Variants in ABCB11 observed in about 807,000 individuals in gnomAD.
The protein encoded by ABCB11 is ATP binding cassette subfamily B member 11, also known as bile salt export pump.
Under a neutral mutation model 148.0 loss-of-function variants are expected in ABCB11, and 95 were observed. That is an observed-to-expected ratio of 0.64 (90% confidence interval 0.54 to 0.76). The LOEUF is 0.76. Among genes scored for constraint, ABCB11 ranks in the 30% least tolerant of loss-of-function variants. ABCB11 has a pLI of 0.00. For missense variants in ABCB11, 1,523 were observed against 1,617.8 expected (o/e 0.94, Z 1.01); for synonymous variants, 591 against 555.4 (o/e 1.06, Z -0.90).
intron 19 of ABCB11, among the ~76,000 whole-genome samples, chr2:168,953,751 G>T (rs1240212009): frequency 6.6e-6 from 1 of 151,542 alleles, no homozygotes; most frequent in Non-Finnish European, 1.5e-5. Context: ...ATCGGGAACT[G>T]CTTAGGGCAA....
intron 10 of ABCB11, among the ~76,000 whole-genome samples, chr2:168,984,523 C>T (rs1694248917): frequency 6.6e-6 from 1 of 152,082 alleles, no homozygotes; most frequent in African/African-American, 2.4e-5. Context: ...AGCACCTGTT[C>T]AGTTAAGGCT....
intron 23 of ABCB11, 46 bp downstream of exon 23, chr2:168,935,138 T>C (rs763875334): frequency 8.7e-6 from 14 of 1,608,342 alleles, no homozygotes; most frequent in African/African-American, 4.0e-5. Flanking sequence ...AGGCTATTCC[T>C]TCCTTGTGTG....
In ABCB11 at chr2:168,969,570, C is replaced by A. The variant is rs554532255; in HGVS notation, c.1810-19G>T. ...GCTGAATCTGTAAGAATGTACAGTG[C>A]ACCATTAAACAAAACTGTGAGACAG... On this transcript the variant is annotated intron_variant, in intron 15 of 27. Transcript: ENST00000650372. 1 of 1,597,980 alleles carries A rather than the reference C, an allele frequency of 6.3e-7. No homozygotes were observed. Among genetic ancestry groups the A allele is most frequent in the Admixed American group, 1.7e-5 (1 of 59,500 alleles).
intron 24 of ABCB11, among the ~76,000 whole-genome samples, chr2:168,931,903 C>T (rs1691582873): frequency 6.6e-6 from 1 of 152,152 alleles, no homozygotes; most frequent in African/African-American, 2.4e-5. Context: ...CCATATACAG[C>T]AGGAATTTAG....
Position 168,927,144 on chromosome 2 carries a change from C to CT in ABCB11, c.3618+11dup, listed in dbSNP as rs1438991181. On this transcript the variant is annotated intron_variant, in intron 26 of 27. Transcript: ENST00000650372. ...TGTCTCTCATAGGGAATGGCTCTGA[C>CT]TTCGTACTCACCTCTGGGAGTGACA... The CT allele has an allele frequency of 6.2e-7, 1 of 1,610,896 alleles. No individual in the cohort carries two copies. The highest frequency in any genetic ancestry group is 8.5e-7 in the Non-Finnish European group (1 of 1,177,264).
chr2:168,989,130 G>A (rs1248226058), intron 9 of ABCB11, among the ~76,000 whole-genome samples: 3 of 151,972 alleles, frequency 2.0e-5, no homozygotes, highest in Non-Finnish European at 4.4e-5. Flanking sequence ...TTAGTTTGAT[G>A]TAATCCCATC....
In ABCB11 at chr2:169,005,840, A is replaced by G. The variant is rs534232485; in HGVS notation, c.389+7432T>C. 9.2e-5 allele frequency among the ~76,000 whole-genome samples: 14 copies of G among 152,366 alleles called. 1 individual carries two copies. The South Asian group carries it at 2.9e-3, about 32-fold the overall frequency. On this transcript the variant is annotated intron_variant, in intron 5 of 27. Coordinates refer to ENST00000650372, the MANE Select transcript of ABCB11 (RefSeq NM_003742.4). ...AATATATATAATTTTTATGTGCCAA[A>G]TTAAAAAATATTTTTAAAGACATAG...
intron 17 of ABCB11, among the ~76,000 whole-genome samples, chr2:168,967,305 C>T (rs1693360982): frequency 6.6e-6 from 1 of 151,816 alleles, no homozygotes; most frequent in African/African-American, 2.4e-5. Context: ...TAAATTCAGT[C>T]AAACTAGCAT....
At chr2:168,957,593 T>C (rs1000963417) in intron 19 of ABCB11, among the ~76,000 whole-genome samples, 1 of 151,748 alleles carries the variant, frequency 6.6e-6, no homozygotes, top group Non-Finnish European at 1.5e-5. Context: ...GTACCTCTGC[T>C]GTTCAGCAAG....
At chr2:168,918,058 A>C (rs1690976307), downstream of ABCB11, among the ~76,000 whole-genome samples, 1 of 152,150 alleles carries the variant, frequency 6.6e-6, no homozygotes, top group South Asian at 2.1e-4. Flanking sequence ...TTATGTGACT[A>C]GAAAATTTAA....
Position 168,944,640 on chromosome 2 carries a change from T to C in ABCB11, c.2575A>G (p.Thr859Ala), listed in dbSNP as rs764575275. Residue 859 changes from threonine (T) to alanine (A), a missense_variant, in exon 21 of 28, where the codon ACA (threonine) becomes GCA (alanine). Coordinates refer to ENST00000650372, the MANE Select transcript of ABCB11 (RefSeq NM_003742.4). The stretch of plus-strand genomic sequence containing the variant: ...TGGGAAGCATCTGTAGCAAGTCTTG[T>C]TGTCAATGCTCCAGGGCTATTTCTG... ...DLRNSPGALT[T>A]RLATDASQVQ... 2.5e-6 allele frequency: 4 copies of C among 1,611,382 alleles called. No homozygotes were observed. Among genetic ancestry groups the C allele is most frequent in the East Asian group, 4.5e-5 (2 of 44,836 alleles).
At position 168,996,567 on chromosome 2, in the gene ABCB11, A is replaced by G. The variant is rs1324426476; in HGVS notation, c.477+68T>C. The G allele has an allele frequency of 3.3e-6, 3 of 909,822 alleles. No individual in the cohort carries two copies. In the Admixed American group the frequency reaches 7.8e-5, roughly 24 times the overall value. 56.4% of individuals were successfully genotyped at this position (909,822 alleles called of 1,614,324 possible). A position where few individuals can be genotyped will look rare whatever the true frequency, so the allele number is the denominator to read the frequency against. Reference sequence around the variant, plus strand: ...TGATTAGCTTAAAGAGTGGCAACACATTGCATCTCATTGTAGTGTCTTTGA... The same window carrying G: ...TGATTAGCTTAAAGAGTGGCAACACGTTGCATCTCATTGTAGTGTCTTTGA... On this transcript the variant is annotated intron_variant, in intron 6 of 27. Coordinates refer to ENST00000650372, the MANE Select transcript of ABCB11 (RefSeq NM_003742.4).
intron 5 of ABCB11, among the ~76,000 whole-genome samples, chr2:169,009,531 G>A (rs954752500): frequency 2.2e-4 from 29 of 133,002 alleles, no homozygotes; most frequent in African/African-American, 8.2e-4. Context: ...TGAACAATGA[G>A]AACACATGGA....
At chr2:168,918,319 A>G (rs947392363), downstream of ABCB11, among the ~76,000 whole-genome samples, 4 of 152,250 alleles carry the variant, frequency 2.6e-5, no homozygotes, top group African/African-American at 9.6e-5. Context: ...AAAGACCATC[A>G]ATAGACATTT....
downstream of ABCB11, among the ~76,000 whole-genome samples, chr2:168,918,707 A>AT (rs1488091784): frequency 3.9e-5 from 6 of 152,102 alleles, no homozygotes; most frequent in Non-Finnish European, 8.8e-5. Flanking sequence ...TAGATTTGAG[A>AT]TTTTTTCCAA....
chr2:168,964,871 T>C (rs895608547), intron 17 of ABCB11, among the ~76,000 whole-genome samples: 12 of 151,842 alleles, frequency 7.9e-5, no homozygotes, highest in Non-Finnish European at 1.8e-4. Context: ...AATGTGTTCA[T>C]TCATTTATTC....
At chr2:168,989,942 C>T (rs1416212270) in intron 9 of ABCB11, among the ~76,000 whole-genome samples, 1 of 152,130 alleles carries the variant, frequency 6.6e-6, no homozygotes, top group African/African-American at 2.4e-5. Context: ...ACCATCCTTA[C>T]ATCCTAGGGA....
chr2:168,986,158 G>A lies in ABCB11; in HGVS notation c.1035C>T (p.Ser345=), dbSNP rs549791651. 3.1e-6 allele frequency: 5 copies of A among 1,612,910 alleles called. No homozygotes were observed. In the African/African-American group the frequency reaches 4.0e-5, roughly 13 times the overall value. The change falls in exon 10 of 28, where the codon TCC becomes TCT. Residue 345 remains serine, a synonymous_variant. Coordinates refer to ENST00000650372, the MANE Select transcript of ABCB11 (RefSeq NM_003742.4). ...LCYALAFWYG[S]TLVLDEGEYT... ...ATTCTCCTTCATCCAGGACAAGTGT[G>A]GAGCCGTACCAGAAGGCCAGTGCAT...
chr2:169,025,796 A>G (rs1695677172), intron 1 of ABCB11, among the ~76,000 whole-genome samples: 1 of 152,238 alleles, frequency 6.6e-6, no homozygotes, highest in Admixed American at 6.5e-5. Flanking sequence ...GTGAGCACCA[A>G]GAATACATCT....
Sources: gnomAD v4.1 joint callset for allele counts (sites outside exome capture counted in the v4.1 genomes callset) on GRCh38, gnomAD v4.1.1 for gene constraint, MANE v1.5 for transcripts, NCBI Gene and HGNC (gene_info 2026-07-23, HGNC 2026-07-21) for gene names.